Variants in RAPGEF2 observed in about 807,000 individuals in gnomAD.
RAPGEF2 encodes the protein Rap guanine nucleotide exchange factor 2, also known as PDZ domain containing guanine nucleotide exchange factor (GEF) 1.
RAPGEF2 carries 54 observed loss-of-function variants against 186.7 expected under a neutral mutation model. The ratio of observed to expected loss-of-function variants is 0.29; its 90% CI spans 0.23 to 0.36. The LOEUF is 0.36. Ranked by LOEUF, RAPGEF2 falls within the 10% of genes least tolerant of loss-of-function variation. The pLI is 1.00. For missense variants in RAPGEF2, 1,532 were observed against 2,045.0 expected (o/e 0.75, Z 4.84); for synonymous variants, 712 against 705.9 (o/e 1.01, Z -0.14).
intron 4 of RAPGEF2, among the ~76,000 whole-genome samples, chr4:159,221,634 A>G (rs1438357716): frequency 6.6e-6 from 1 of 152,216 alleles, no homozygotes; most frequent in Non-Finnish European, 1.5e-5. Flanking sequence ...TCTCTGTTAC[A>G]CCTGCTGTTC....
At chr4:159,293,076 A>G (rs1051000940) in intron 7 of RAPGEF2, among the ~76,000 whole-genome samples, 1 of 152,184 alleles carries the variant, frequency 6.6e-6, no homozygotes, top group Non-Finnish European at 1.5e-5. Flanking sequence ...TTATATATTA[A>G]TATATGAAAA....
chr4:159,267,525 A>T (rs1176653444), intron 7 of RAPGEF2, among the ~76,000 whole-genome samples: 1 of 152,204 alleles, frequency 6.6e-6, no homozygotes, highest in African/African-American at 2.4e-5. Flanking sequence ...TGGGACAGAG[A>T]TCACTGGTCA....
At chr4:159,132,735 C>T (rs1434505272) in intron 1 of RAPGEF2, among the ~76,000 whole-genome samples, 2 of 152,010 alleles carry the variant, frequency 1.3e-5, no homozygotes, top group East Asian at 1.9e-4. Flanking sequence ...CAGTCTTTTA[C>T]GTTGATTGCT....
At chr4:159,280,648 CA>C (rs1179432476) in intron 7 of RAPGEF2, among the ~76,000 whole-genome samples, 1 of 152,166 alleles carries the variant, frequency 6.6e-6, no homozygotes, top group African/African-American at 2.4e-5. Context: ...ATATTGTCGT[CA>C]AGTTTGTTTA....
chr4:159,272,294 G>A (rs1382046215), intron 7 of RAPGEF2, among the ~76,000 whole-genome samples: 1 of 152,116 alleles, frequency 6.6e-6, no homozygotes, highest in Non-Finnish European at 1.5e-5. Context: ...TTTCTAAATT[G>A]CTATTGGTCA....
intron 1 of RAPGEF2, among the ~76,000 whole-genome samples, chr4:159,185,124 T>C (rs1747426450): frequency 6.6e-6 from 1 of 152,190 alleles, no homozygotes; most frequent in Non-Finnish European, 1.5e-5. Context: ...TCAATACTAT[T>C]ACACACTTAG....
chr4:159,304,463 A>G lies in RAPGEF2; in HGVS notation c.665A>G (p.Asp222Gly). The G allele has an allele frequency of 6.2e-7, 1 of 1,604,610 alleles. No homozygotes were observed. Among genetic ancestry groups the G allele is most frequent in the Non-Finnish European group, 8.5e-7 (1 of 1,172,494 alleles). Reference protein sequence around the residue: ...TSDSGSSSLSDIYQATESEAG... With the variant: ...TSDSGSSSLSGIYQATESEAG... ...GATTCTGGGAGCAGCAGTCTTTCTG[A>G]TATCTACCAGGTAAGAGGATGTTTT... Residue 222 changes from aspartate to glycine, a missense_variant, in exon 8 of 30, where the codon GAT (aspartate) becomes GGT (glycine). Asp to Gly is a moderately conservative substitution (Grantham distance 94, BLOSUM62 -1). Around this residue, in one of 4 missense-constraint regions of RAPGEF2, gnomAD observed 810 missense variants for 1,210.5 expected, o/e 0.67. Coordinates refer to ENST00000691494, the MANE Select transcript of RAPGEF2 (RefSeq NM_001394067.2).
At chr4:159,157,252 C>T (rs1484499411) in intron 1 of RAPGEF2, among the ~76,000 whole-genome samples, 1 of 152,072 alleles carries the variant, frequency 6.6e-6, no homozygotes. Context: ...TTGAAAGGAT[C>T]TTAGGTGGTT....
chr4:159,238,915 C>G, intron 5 of RAPGEF2, 31 bp downstream of exon 5: 10 of 1,395,420 alleles, frequency 7.2e-6, no homozygotes, highest in Middle Eastern at 1.8e-4. Context: ...ACTATTTTTC[C>G]CCTAAAAAAT....
chr4:159,189,086 A>G (rs900616074), intron 2 of RAPGEF2, among the ~76,000 whole-genome samples: 1 of 152,262 alleles, frequency 6.6e-6, no homozygotes, highest in Non-Finnish European at 1.5e-5. Flanking sequence ...TCCTTTAGAT[A>G]AATTATTTTC....
intron 5 of RAPGEF2, 42 bp downstream of exon 5, chr4:159,238,926 T>C (rs1428181206): frequency 1.5e-6 from 2 of 1,347,834 alleles, no homozygotes; most frequent in Non-Finnish European, 9.7e-7. Context: ...CCTAAAAAAT[T>C]GTATGAAATA....
chr4:159,298,174 T>C (rs192973210), intron 7 of RAPGEF2, among the ~76,000 whole-genome samples: 2 of 152,294 alleles, frequency 1.3e-5, no homozygotes, highest in Admixed American at 6.5e-5. Context: ...CATTAGGCCT[T>C]ATCTTATCAG....
At chr4:159,141,682 A>G (rs1404962014) in intron 1 of RAPGEF2, among the ~76,000 whole-genome samples, 2 of 152,178 alleles carry the variant, frequency 1.3e-5, no homozygotes, top group Non-Finnish European at 2.9e-5. Context: ...CCAACAGTGT[A>G]TAAAAAGTCC....
intron 10 of RAPGEF2, 65 bp downstream of exon 10, chr4:159,322,548 C>G: frequency 7.2e-7 from 1 of 1,391,288 alleles, no homozygotes. Context: ...AGCAATTGAA[C>G]AAAACCCCAA....
intron 1 of RAPGEF2, among the ~76,000 whole-genome samples, chr4:159,114,137 TC>T (rs1385527270): frequency 8.7e-5 from 13 of 150,070 alleles, no homozygotes; most frequent in African/African-American, 2.2e-4. Flanking sequence ...TTTTTTTTTT[TC>T]TTTGAGATGG....
chr4:159,144,366 C>T (rs975980837), intron 1 of RAPGEF2, among the ~76,000 whole-genome samples: 2 of 152,218 alleles, frequency 1.3e-5, no homozygotes, highest in South Asian at 4.2e-4. Context: ...TAGTAACAGA[C>T]GTTTAGATGT....
In RAPGEF2 at chr4:159,118,763, G is replaced by T. The variant is rs192216391; in HGVS notation, c.69+14532G>T. On this transcript the variant is annotated intron_variant, in intron 1 of 29. Transcript: ENST00000691494. ...TCCTTGCCTGCAAATTTTGGTATAT[G>T]TAGTAGAGATGGGGTTTCACCATGT... 8.6e-3 allele frequency among the ~76,000 whole-genome samples: 1,302 copies of T among 152,030 alleles called. 24 individuals are homozygous for T. Among genetic ancestry groups the T allele is most frequent in the African/African-American group, 0.03 (1,237 of 41,474 alleles).
In RAPGEF2 at chr4:159,341,761, C is replaced by A; in HGVS notation, c.2732C>A (p.Ser911Ter). The change falls in exon 20 of 30, where the codon TCA becomes TAA. Residue 911 changes from serine (S) to a stop codon, truncating the protein, a stop_gained. Transcript: ENST00000691494. LOFTEE classifies it high-confidence loss of function. ...ATAGATGATTTATTTAAACTCAGAT[C>A]AAAAACCAGCTGTGCCAACCTGAAG... ...EYIDDLFKLR[S>*]KTSCANLKRF... The A allele has an allele frequency of 1.2e-6, 2 of 1,613,838 alleles. No homozygotes were observed. Among genetic ancestry groups the A allele is most frequent in the East Asian group, 2.2e-5 (1 of 44,866 alleles).
Position 159,304,388 on chromosome 4 carries a change from C to G in RAPGEF2, c.590C>G (p.Pro197Arg), listed in dbSNP as rs754408617. The G allele has an allele frequency of 6.2e-7, 1 of 1,604,034 alleles. No individual in the cohort carries two copies. The highest frequency in any genetic ancestry group is 2.2e-5 in the East Asian group (1 of 44,756). Residue 197 changes from proline (P) to arginine (R), a missense_variant, in exon 8 of 30, where the codon CCA becomes CGA. Transcript: ENST00000691494. ...CTGCATCTTACTGACAGTCTCCACC[C>G]ACAGGTGACCCACGTTTCTTCTAGC... Reference protein sequence around the residue: ...TKLHLTDSLHPQVTHVSSSHS... With the variant: ...TKLHLTDSLHRQVTHVSSSHS...
Sources: gnomAD v4.1 joint callset for allele counts (sites outside exome capture counted in the v4.1 genomes callset) on GRCh38, gnomAD v4.1.1 for gene constraint, gnomAD v4.1.1 regional missense constraint, MANE v1.5 for transcripts, NCBI Gene and HGNC (gene_info 2026-07-23, HGNC 2026-07-21) for gene names.